The following OXR1 variants were observed in gnomAD, a reference collection of about 807,000 sequenced individuals.
The protein encoded by OXR1 is oxidation resistance 1, also known as oxidation resistance protein 1.
In OXR1, 41 loss-of-function variants were observed where a neutral mutation model predicts 104.6. The observed-to-expected ratio is 0.39, with a 90% CI of 0.31 to 0.51. The LOEUF (loss-of-function observed/expected upper bound fraction) is 0.51, where lower values mean the gene tolerates loss of function less well. OXR1 is among the 20% of genes least tolerant of loss of function. The pLI, the probability that OXR1 is intolerant of heterozygous loss-of-function variation, is 0.77. For missense variants in OXR1, 955 were observed against 1,031.9 expected (o/e 0.93, Z 1.02); for synonymous variants, 348 against 348.4 (o/e 1.00, Z 0.01).
intron 3 of OXR1, among the ~76,000 whole-genome samples, chr8:106,672,224 T>G (rs1827081107): frequency 6.6e-6 from 1 of 151,776 alleles, no homozygotes; most frequent in South Asian, 2.1e-4. Context: ...ATGCCTGTAA[T>G]TCCAACACTT....
At chr8:106,431,509 C>A (rs1395924126) in intron 2 of OXR1, among the ~76,000 whole-genome samples, 1 of 152,106 alleles carries the variant, frequency 6.6e-6, no homozygotes, top group Admixed American at 6.5e-5. Flanking sequence ...CATAAGAAAA[C>A]AAAGCTAGAA....
At chr8:106,482,057 T>C (rs1387755112) in intron 2 of OXR1, among the ~76,000 whole-genome samples, 3 of 152,046 alleles carry the variant, frequency 2.0e-5, no homozygotes, top group Non-Finnish European at 4.4e-5. Context: ...CAGACATTTA[T>C]TGGGTGCCAA....
rs1484418 is a variant in OXR1 at position 106,706,430 on chromosome 8, G to T, written c.909G>T (p.Met303Ile). ...SGRDFCHSKK[M>I]TGSNTEEIDS... ...GGGACTTCTGCCATTCAAAGAAAAT[G>T]ACAGGAAGTAACACTGAGGAAATAG... Residue 303 changes from methionine to isoleucine, a missense_variant, in exon 9 of 17, where the codon ATG becomes ATT. Around this residue, in one of 2 missense-constraint regions of OXR1, gnomAD observed 849 missense variants for 852.9 expected, o/e 1.00. Transcript: ENST00000517566. 128 of 1,591,422 alleles carry T rather than the reference G, an allele frequency of 8.0e-5. No individual in the cohort carries two copies. In the African/African-American group the frequency reaches 1.6e-3, roughly 20 times the overall value.
intron 2 of OXR1, among the ~76,000 whole-genome samples, chr8:106,412,365 C>T (rs990123229): frequency 6.6e-6 from 1 of 152,080 alleles, no homozygotes; most frequent in Non-Finnish European, 1.5e-5. Context: ...CCTGAAAGCC[C>T]ATCTCTCAAA....
chr8:106,293,699 A>C (rs774943939), intron 1 of OXR1, among the ~76,000 whole-genome samples: 4 of 152,184 alleles, frequency 2.6e-5, no homozygotes, highest in African/African-American at 4.8e-5. Flanking sequence ...CTGTATCCTC[A>C]CGTGGCAGAA....
At chr8:106,658,183 C>T in intron 3 of OXR1, 1 of 1,240,680 alleles carries the variant, frequency 8.1e-7, no homozygotes, top group Non-Finnish European at 1.0e-6. Flanking sequence ...CCGGAGGGAC[C>T]TGGTGAGCCC....
At chr8:106,394,361 T>A (rs930366581) in intron 2 of OXR1, among the ~76,000 whole-genome samples, 4 of 151,072 alleles carry the variant, frequency 2.6e-5, no homozygotes, top group African/African-American at 4.9e-5. Context: ...GCTTGCCATA[T>A]AACCCAGCAA....
intron 1 of OXR1, among the ~76,000 whole-genome samples, chr8:106,352,545 A>C (rs1815773858): frequency 6.6e-6 from 1 of 152,210 alleles, no homozygotes; most frequent in Admixed American, 6.5e-5. Flanking sequence ...ATCTTATGTA[A>C]TTGCAAAATA....
rs1816151312 is a variant in OXR1, at chr8:106,359,577, C to G, written c.-37C>G. The G allele has an allele frequency of 3.3e-6, 5 of 1,534,578 alleles. No individual in the cohort carries two copies. Among genetic ancestry groups the G allele is most frequent in the Non-Finnish European group, 4.4e-6 (5 of 1,131,192 alleles). On this transcript the variant is annotated 5_prime_UTR_variant, in exon 2 of 17. Transcript: ENST00000517566. Reference sequence around the variant, plus strand: ...CGACTTGACCTGCTAATTTCCTGTTCTGGAATCGAGAGAAGACTCCTCAAC... The same window carrying G: ...CGACTTGACCTGCTAATTTCCTGTTGTGGAATCGAGAGAAGACTCCTCAAC...
intron 2 of OXR1, among the ~76,000 whole-genome samples, chr8:106,487,212 C>A (rs554073140): frequency 6.6e-6 from 1 of 151,364 alleles, no homozygotes; most frequent in Non-Finnish European, 1.5e-5. Flanking sequence ...TTAGTAGAGA[C>A]GGGGTTTCAC....
intron 2 of OXR1, among the ~76,000 whole-genome samples, chr8:106,492,593 A>C (rs1811162595): frequency 6.6e-6 from 1 of 152,142 alleles, no homozygotes; most frequent in South Asian, 2.1e-4. Context: ...GGAATGTCTT[A>C]TGTTTACCAT....
chr8:106,668,273 C>T (rs1275936767), intron 3 of OXR1, among the ~76,000 whole-genome samples: 2 of 152,178 alleles, frequency 1.3e-5, no homozygotes, highest in Non-Finnish European at 2.9e-5. Context: ...AGTCTTATAG[C>T]ACTGAGTAAT....
intron 2 of OXR1, among the ~76,000 whole-genome samples, chr8:106,448,257 G>A (rs1820111676): frequency 1.3e-5 from 2 of 152,112 alleles, no homozygotes; most frequent in African/African-American, 2.4e-5. Context: ...GAAAACATAG[G>A]TACTAAAGAA....
chr8:106,608,507 T>C (rs1442875865), intron 3 of OXR1, among the ~76,000 whole-genome samples: 1 of 152,220 alleles, frequency 6.6e-6, no homozygotes, highest in Non-Finnish European at 1.5e-5. Flanking sequence ...GTCAGACATC[T>C]GCCTTTGAAG....
Position 106,692,395 on chromosome 8 carries a change from G to A in OXR1, c.526-333G>A, listed in dbSNP as rs142415164. On this transcript the variant is annotated intron_variant, in intron 6 of 16. Coordinates refer to ENST00000517566, the MANE Select transcript of OXR1 (RefSeq NM_001198533.2). ...CAGGAGCATCTGAGTGTGTGTGCAC[G>A]TGTGTGTATGTGTTGGGTGTGGGTA... Among the ~76,000 whole-genome samples, 242 of 152,202 alleles carry A rather than the reference G, an allele frequency of 1.6e-3. 2 individuals are homozygous for A. Among genetic ancestry groups the A allele is most frequent in the African/African-American group, 5.6e-3 (233 of 41,522 alleles).
intron 11 of OXR1, among the ~76,000 whole-genome samples, chr8:106,716,873 G>A (rs2131431112): frequency 6.6e-6 from 1 of 152,150 alleles, no homozygotes; most frequent in African/African-American, 2.4e-5. Context: ...TGCAGTGCAG[G>A]TCTATGCCTC....
intron 11 of OXR1, among the ~76,000 whole-genome samples, chr8:106,727,580 G>A (rs7835935): frequency 6.6e-6 from 1 of 151,942 alleles, no homozygotes; most frequent in Non-Finnish European, 1.5e-5. Flanking sequence ...ACCACAGCCC[G>A]CTAATTTTTT....
intron 1 of OXR1, among the ~76,000 whole-genome samples, chr8:106,275,973 A>G (rs917459670): frequency 2.6e-5 from 4 of 152,154 alleles, no homozygotes; most frequent in Non-Finnish European, 5.9e-5. Flanking sequence ...TCATCTTAAG[A>G]AAAAAAATAG....
intron 3 of OXR1, among the ~76,000 whole-genome samples, chr8:106,535,208 G>A (rs1273631093): frequency 6.6e-6 from 1 of 151,998 alleles, no homozygotes; most frequent in Non-Finnish European, 1.5e-5. Context: ...CGTAGCACGA[G>A]GTTCTTGGAC....
Sources: gnomAD v4.1 joint callset for allele counts (sites outside exome capture counted in the v4.1 genomes callset) on GRCh38, gnomAD v4.1.1 for gene constraint, gnomAD v4.1.1 regional missense constraint, MANE v1.5 for transcripts, NCBI Gene and HGNC (gene_info 2026-07-23, HGNC 2026-07-21) for gene names.